Variants in XPC observed in about 807,000 individuals in gnomAD.
XPC encodes the protein XPC complex subunit, DNA damage recognition and repair factor.
In XPC, 76 loss-of-function variants were observed where a neutral mutation model predicts 95.8. The observed-to-expected ratio is 0.79, with a 90% CI of 0.66 to 0.96. The LOEUF is 0.96. Among genes scored for constraint, XPC ranks in the 40% least tolerant of loss-of-function variants. The probability of loss-of-function intolerance (pLI) is 0.00; values close to 1 mark genes in which losing one functional copy is unlikely to be tolerated. For synonymous variants in XPC, 442 were observed against 442.1 expected (o/e 1.00, Z 0.00); for missense variants, 1,146 against 1,179.8 (o/e 0.97, Z 0.42).
intron 8 of XPC, 50 bp downstream of exon 8, chr3:14,159,691 A>G (rs1199709155): frequency 6.7e-7 from 1 of 1,495,910 alleles, no homozygotes; most frequent in Non-Finnish European, 9.1e-7. Flanking sequence ...TTTAAGTGTG[A>G]CAATTTCCTG....
intron 7 of XPC, 80 bp downstream of exon 7, chr3:14,164,733 G>A (rs1420762650): frequency 7.6e-6 from 11 of 1,441,480 alleles, no homozygotes; most frequent in Non-Finnish European, 1.1e-5. Context: ...AACACACCTG[G>A]AATGGCATCT....
chr3:14,145,449 A>G lies in XPC; in HGVS notation c.*492T>C, dbSNP rs896034761. On this transcript the variant is annotated 3_prime_UTR_variant, in exon 16 of 16. Transcript: ENST00000285021. ...AGGGCAGCATTAGTAAGCCTGACTC[A>G]GGGGAAGGTAAGTGGCCTGCAGAGA... 5 of 694,808 alleles carry G rather than the reference A, an allele frequency of 7.2e-6. No individual in the cohort carries two copies. Among genetic ancestry groups the G allele is most frequent in the Non-Finnish European group, 1.3e-5 (5 of 380,388 alleles). The allele number at this position is 694,808 out of a possible 1,614,324, so 43.0% of individuals were successfully genotyped here. A position where few individuals can be genotyped will look rare whatever the true frequency, so the allele number is the denominator to read the frequency against.
Position 14,147,306 on chromosome 3 carries a change from C to T in XPC, c.2588G>A (p.Arg863His). Residue 863 changes from arginine to histidine, a missense_variant, in exon 15 of 16, where the codon CGT (arginine) becomes CAT (histidine). By Grantham distance (29) the Arg-to-His change is conservative (BLOSUM62 0). Coordinates refer to ENST00000285021, the MANE Select transcript of XPC (RefSeq NM_004628.5). ...KGLLIRERLK[R>H]RYGPKSEAAA... Reference sequence around the variant, plus strand: ...TGCACTGACCTTGGGCCCGTAGCGACGCTTCAGCCTCTCCCTGATGAGCAG... The same window carrying T: ...TGCACTGACCTTGGGCCCGTAGCGATGCTTCAGCCTCTCCCTGATGAGCAG... The T allele has an allele frequency of 5.0e-6, 8 of 1,611,220 alleles. No homozygotes were observed. Among genetic ancestry groups the T allele is most frequent in the Non-Finnish European group, 5.9e-6 (7 of 1,178,800 alleles).
chr3:14,170,541 TG>T lies in XPC; in HGVS notation c.308del (p.Pro103GlnfsTer10). On this transcript the variant is annotated frameshift_variant, in exon 3 of 16. Transcript: ENST00000285021. LOFTEE classifies it high-confidence loss of function. ...GATGGTGTGCCTTCTTGAGGTCACT[TG>T]GAAAGTCCCTGTGTAAAGACCACAG... is the stretch of plus-strand genomic sequence containing the variant. ...LSDGDDLRDF[P>X]SDLKKAHHLK... 6.2e-7 allele frequency: 1 copy of T among 1,612,100 alleles called. No individual in the cohort carries two copies. The highest frequency in any genetic ancestry group is 8.5e-7 in the Non-Finnish European group (1 of 1,178,848).
intron 10 of XPC, among the ~76,000 whole-genome samples, chr3:14,155,837 C>T (rs926539864): frequency 2.6e-5 from 4 of 152,260 alleles, no homozygotes; most frequent in East Asian, 1.9e-4. Flanking sequence ...GGATTACAAG[C>T]GTGAGCCACC....
chr3:14,176,606 C>T (rs186821074), intron 1 of XPC, among the ~76,000 whole-genome samples: 26 of 152,212 alleles, frequency 1.7e-4, no homozygotes, highest in Admixed American at 1.6e-3. Flanking sequence ...AAATGGAACT[C>T]GTAATATTAC....
chr3:14,170,856 T>C (rs1696583766), intron 2 of XPC, among the ~76,000 whole-genome samples: 1 of 152,144 alleles, frequency 6.6e-6, no homozygotes. Flanking sequence ...GACACCAAAA[T>C]AATAATGAGT....
chr3:14,176,103 G>C (rs1180451329), intron 1 of XPC, among the ~76,000 whole-genome samples: 1 of 152,186 alleles, frequency 6.6e-6, no homozygotes, highest in African/African-American at 2.4e-5. Context: ...TTTCACAGAG[G>C]AAATTCAGAA....
chr3:14,152,631 TA>T, intron 10 of XPC: 1 of 504,992 alleles, frequency 2.0e-6, no homozygotes, highest in Non-Finnish European at 3.5e-6. Context: ...TTACAAACCC[TA>T]ATCTGCAGCC....
intron 15 of XPC, 135 bp from the exon 16 acceptor site, chr3:14,146,294 G>A: frequency 2.4e-6 from 2 of 817,206 alleles, no homozygotes; most frequent in South Asian, 1.7e-5. Flanking sequence ...ATGGGACAGG[G>A]CAGGGAGAGA....
Position 14,168,338 on chromosome 3 carries a change from G to C in XPC, c.455C>G (p.Ala152Gly). The change falls in exon 4 of 16, where the codon GCC (alanine) becomes GGC (glycine). Residue 152 changes from alanine to glycine, a missense_variant. Physicochemically the swap from Ala to Gly is moderately conservative, Grantham distance 60. Coordinates refer to ENST00000285021, the MANE Select transcript of XPC (RefSeq NM_004628.5). The stretch of plus-strand genomic sequence containing the variant: ...CACAGGCAGAAGAGATCGAGAGAAG[G>C]CTGTACTTTCTCTCACGTCACCCAG... ...PVLGDVREST[A>G]FSRSLLPVKP... 6.2e-7 allele frequency: 1 copy of C among 1,613,900 alleles called. No homozygotes were observed. Among genetic ancestry groups the C allele is most frequent in the Non-Finnish European group, 8.5e-7 (1 of 1,179,864 alleles).
chr3:14,178,217 G>GTT (rs1376137679), intron 1 of XPC: 3 of 520,734 alleles, frequency 5.8e-6, no homozygotes, highest in African/African-American at 4.1e-5. Context: ...TCTGGACAAC[G>GTT]GGGAGCGGGA....
Position 14,172,866 on chromosome 3 carries a change from C to T in XPC, c.299+1G>A, listed in dbSNP as rs1553607744. 3 of 1,613,526 alleles carry T rather than the reference C, an allele frequency of 1.9e-6. No individual in the cohort carries two copies. The highest frequency in any genetic ancestry group is 2.5e-6 in the Non-Finnish European group (3 of 1,179,684). On this transcript the variant is annotated splice_donor_variant, in intron 2 of 15. Transcript: ENST00000285021. LOFTEE classifies it high-confidence loss of function. Reference sequence around the variant, plus strand: ...GAGACAAAGCTTTGCAGACATCTCACCTGAGGTCATCCCCATCGCTGAGGG... The same window carrying T: ...GAGACAAAGCTTTGCAGACATCTCATCTGAGGTCATCCCCATCGCTGAGGG...
At chr3:14,154,544 G>A (rs752673559) in intron 10 of XPC, among the ~76,000 whole-genome samples, 3 of 152,152 alleles carry the variant, frequency 2.0e-5, no homozygotes, top group Non-Finnish European at 4.4e-5. Flanking sequence ...AGCCAGTCAC[G>A]ATGTGACTAT....
rs570222725 is a variant in XPC at position 14,159,292 on chromosome 3, T to C, written c.991-400A>G. The stretch of plus-strand genomic sequence containing the variant: ...TACGCATTTTGCAAACAAATACTTA[T>C]GGACTTAATACAGCTGTAGTTTTAA... On this transcript the variant is annotated intron_variant, in intron 8 of 15. Transcript: ENST00000285021. 2.6e-4 allele frequency among the ~76,000 whole-genome samples: 39 copies of C among 152,320 alleles called. 1 individual carries two copies. The South Asian group carries it at 7.9e-3, about 31-fold the overall frequency.
chr3:14,175,738 G>T (rs1696789923), intron 1 of XPC, among the ~76,000 whole-genome samples: 1 of 152,176 alleles, frequency 6.6e-6, no homozygotes, highest in African/African-American at 2.4e-5. Flanking sequence ...ACCTTCATTT[G>T]CATGTACAGG....
At chr3:14,165,979 G>T (rs1297350954) in intron 5 of XPC, 1 of 194,126 alleles carries the variant, frequency 5.2e-6, no homozygotes, top group Non-Finnish European at 1.1e-5. Context: ...GAGACTGCTG[G>T]AAGCCTGTGG....
At chr3:14,168,770 C>T (rs550581667) in intron 3 of XPC, among the ~76,000 whole-genome samples, 2 of 151,714 alleles carry the variant, frequency 1.3e-5, no homozygotes, top group East Asian at 3.9e-4. Context: ...TTCTGTATTA[C>T]CACAATAACA....
intron 1 of XPC, among the ~76,000 whole-genome samples, chr3:14,173,524 A>T (rs1696695266): frequency 6.6e-6 from 1 of 152,224 alleles, no homozygotes; most frequent in African/African-American, 2.4e-5. Context: ...GCCAACCTTC[A>T]AGACCAAACT....
Sources: allele counts gnomAD v4.1 joint callset (sites outside exome capture counted in the v4.1 genomes callset), GRCh38; gene constraint gnomAD v4.1.1; transcripts MANE v1.5; gene names NCBI Gene and HGNC (gene_info 2026-07-23, HGNC 2026-07-21).